The following SYN3 variants were observed in gnomAD, a reference collection of about 807,000 sequenced individuals.
SYN3 encodes synapsin-3.
In SYN3, 35 loss-of-function variants were observed where a neutral mutation model predicts 65.8. The ratio of observed to expected loss-of-function variants is 0.53; its 90% CI spans 0.41 to 0.70. The LOEUF is 0.70. Ranked by LOEUF, SYN3 falls within the 30% of genes least tolerant of loss-of-function variation. The pLI is 0.00. For missense variants in SYN3, 680 were observed against 749.0 expected, an observed-to-expected ratio of 0.91 and a Z score of 1.08; for synonymous variants, 270 against 292.9, an observed-to-expected ratio of 0.92 and a Z score of 0.80.
At chr22:32,600,248 G>A (rs962691133) in intron 6 of SYN3, among the ~76,000 whole-genome samples, 6 of 147,746 alleles carry the variant, frequency 4.1e-5, no homozygotes, top group Non-Finnish European at 7.4e-5. Flanking sequence ...TTTACATAAC[G>A]AGAGGGCAAC....
chr22:32,513,666 C>G lies in SYN3; in HGVS notation c.*26G>C, dbSNP rs200304002. 97 of 1,612,440 alleles carry G rather than the reference C, an allele frequency of 6.0e-5. No homozygotes were observed. In the East Asian group the frequency reaches 1.9e-3, roughly 31 times the overall value. On this transcript the variant is annotated 3_prime_UTR_variant, in exon 14 of 14. Transcript: ENST00000358763. Reference sequence around the variant, plus strand: ...GGAGGGGGACGAGTGTAGCAGAGCACTCTTCCCCTCCCAGCCTGGATGGCG... The same window carrying G: ...GGAGGGGGACGAGTGTAGCAGAGCAGTCTTCCCCTCCCAGCCTGGATGGCG...
intron 7 of SYN3, among the ~76,000 whole-genome samples, chr22:32,572,271 C>CT (rs1476636089): frequency 9.8e-6 from 1 of 102,134 alleles, no homozygotes; most frequent in African/African-American, 4.3e-5. Flanking sequence ...TCCTTCCTTC[C>CT]CCCCTCCCTC....
chr22:32,717,765 G>C (rs2061058312), intron 6 of SYN3, among the ~76,000 whole-genome samples: 2 of 152,048 alleles, frequency 1.3e-5, no homozygotes, highest in Non-Finnish European at 2.9e-5. Context: ...CTTGGCTGTG[G>C]AGTCAGACTG....
At chr22:32,770,572 C>T (rs1374120359) in intron 6 of SYN3, among the ~76,000 whole-genome samples, 1 of 152,146 alleles carries the variant, frequency 6.6e-6, no homozygotes, top group East Asian at 1.9e-4. Context: ...AACCTCTTCT[C>T]CCAGAAACCC....
chr22:32,907,193 G>A lies in SYN3; in HGVS notation c.461+24197C>T, dbSNP rs142490136. Among the ~76,000 whole-genome samples the A allele has an allele frequency of 5.8e-4, 89 of 152,228 alleles. 1 individual carries two copies. Among genetic ancestry groups the A allele is most frequent in the Non-Finnish European group, 9.7e-4 (66 of 68,014 alleles). On this transcript the variant is annotated intron_variant, in intron 4 of 13. Transcript: ENST00000358763. ...TCCCAGATTCCTGTAAGCATTTTAA[G>A]TGAATTAAGTCATTTAATATCCTCA...
intron 6 of SYN3, chr22:32,862,224 G>C (rs1009497734): frequency 6.6e-6 from 1 of 152,168 alleles, no homozygotes; most frequent in African/African-American, 2.4e-5. Flanking sequence ...AAGAATCCAG[G>C]GCCATGGGAG....
At chr22:32,578,518 G>A (rs917253401) in intron 7 of SYN3, among the ~76,000 whole-genome samples, 1 of 152,096 alleles carries the variant, frequency 6.6e-6, no homozygotes, top group Non-Finnish European at 1.5e-5. Context: ...CCAAAGTGTT[G>A]GGATTACAGG....
intron 6 of SYN3, among the ~76,000 whole-genome samples, chr22:32,759,366 C>T (rs2045386953): frequency 6.6e-6 from 1 of 152,090 alleles, no homozygotes; most frequent in Non-Finnish European, 1.5e-5. Context: ...TGAGAAAGCC[C>T]AGGATATGTA....
At chr22:33,027,985 G>A (rs1418036633) in intron 1 of SYN3, among the ~76,000 whole-genome samples, 5 of 152,196 alleles carry the variant, frequency 3.3e-5, no homozygotes, top group Non-Finnish European at 5.9e-5. Context: ...TCTAACAGAC[G>A]TGAAGGCTGA....
chr22:32,897,051 T>C (rs2049612625), intron 4 of SYN3, among the ~76,000 whole-genome samples: 1 of 152,138 alleles, frequency 6.6e-6, no homozygotes, highest in Non-Finnish European at 1.5e-5. Flanking sequence ...TAGAGGACTC[T>C]TTCTGGCTCC....
At chr22:32,569,559 C>CTATATATATATATATA (rs1289552626) in intron 7 of SYN3, among the ~76,000 whole-genome samples, 5 of 51,198 alleles carry the variant, frequency 9.8e-5, no homozygotes, top group Admixed American at 5.2e-4. Flanking sequence ...CTCTCTCTCT[C>CTATATATATATATATA]TCTCTCTCTC....
intron 4 of SYN3, among the ~76,000 whole-genome samples, chr22:32,921,992 A>G (rs1479935319): frequency 6.6e-6 from 1 of 152,170 alleles, no homozygotes; most frequent in African/African-American, 2.4e-5. Context: ...CATTATTATT[A>G]GGCCATTTCA....
chr22:32,743,506 C>T (rs3788502), intron 6 of SYN3, among the ~76,000 whole-genome samples: 31,272 of 151,992 alleles, frequency 0.21, 4,154 homozygotes, highest in East Asian at 0.46. Context: ...GTGGAGGAGA[C>T]GCTGAAGGCT....
chr22:33,030,194 C>G (rs958471345), intron 1 of SYN3, among the ~76,000 whole-genome samples: 4 of 152,128 alleles, frequency 2.6e-5, no homozygotes, highest in Non-Finnish European at 5.9e-5. Flanking sequence ...GAGATGCCTG[C>G]GCTGCCAAGA....
intron 7 of SYN3, among the ~76,000 whole-genome samples, chr22:32,554,836 C>T (rs1372292291): frequency 6.6e-6 from 1 of 152,190 alleles, no homozygotes; most frequent in Non-Finnish European, 1.5e-5. Context: ...GCTCAAATCC[C>T]AACTCCATCA....
At chr22:32,791,575 CCTT>C (rs1418172017) in intron 6 of SYN3, among the ~76,000 whole-genome samples, 1 of 151,476 alleles carries the variant, frequency 6.6e-6, no homozygotes, top group African/African-American at 2.4e-5. Context: ...CCTTTGCATC[CCTT>C]CTTATTTTCC....
chr22:33,009,335 T>C (rs1281639637), intron 1 of SYN3, among the ~76,000 whole-genome samples: 2 of 152,210 alleles, frequency 1.3e-5, no homozygotes, highest in Non-Finnish European at 2.9e-5. Context: ...TAGTATCTTA[T>C]TGTGTTTTAA....
At chr22:32,633,157 G>A (rs1205366822) in intron 6 of SYN3, among the ~76,000 whole-genome samples, 2 of 152,174 alleles carry the variant, frequency 1.3e-5, no homozygotes, top group African/African-American at 4.8e-5. Context: ...CGTCATGTAC[G>A]GCACTTAGCA....
intron 1 of SYN3, among the ~76,000 whole-genome samples, chr22:33,029,382 T>C (rs1174262599): frequency 6.6e-6 from 1 of 152,040 alleles, no homozygotes; most frequent in Non-Finnish European, 1.5e-5. Context: ...AAGGCCTTGC[T>C]ATGTTGCCCA....
Sources: gnomAD v4.1 joint callset for allele counts (sites outside exome capture counted in the v4.1 genomes callset) on GRCh38, gnomAD v4.1.1 for gene constraint, MANE v1.5 for transcripts, NCBI Gene and HGNC (gene_info 2026-07-23, HGNC 2026-07-21) for gene names.